DOCK7: variants seen among roughly 807,000 people sequenced by gnomAD.
DOCK7 encodes the protein dedicator of cytokinesis 7.
In DOCK7, 138 loss-of-function variants were observed where a neutral mutation model predicts 271.0. That is an observed-to-expected ratio of 0.51 (90% CI 0.44 to 0.59). The LOEUF (loss-of-function observed/expected upper bound fraction) is 0.59. DOCK7 is among the 20% of genes least tolerant of loss of function. DOCK7 has a pLI of 0.00. For missense variants in DOCK7, 2,066 were observed against 2,592.4 expected, an observed-to-expected ratio of 0.80 and a Z score of 4.41; for synonymous variants, 823 against 876.1, an observed-to-expected ratio of 0.94 and a Z score of 1.07.
intron 1 of DOCK7, 132 bp downstream of exon 1, chr1:62,688,095 C>A (rs1471483407): frequency 1.9e-5 from 22 of 1,129,056 alleles, no homozygotes; most frequent in Non-Finnish European, 2.3e-5. Flanking sequence ...CCCTTCCGCC[C>A]CGCCGCGAGC....
At chr1:62,504,491 T>G in intron 37 of DOCK7, 139 bp downstream of exon 37, 6 of 916,772 alleles carry the variant, frequency 6.5e-6, no homozygotes, top group Non-Finnish European at 9.5e-6. Context: ...ATACACAGAA[T>G]GAGAAATATC....
chr1:62,505,935 G>A, intron 35 of DOCK7, 119 bp from the exon 36 acceptor site: 10 of 958,982 alleles, frequency 1.0e-5, no homozygotes, highest in South Asian at 5.3e-5. Context: ...AGTTTTAAAA[G>A]ATAAAAAAAT....
intron 30 of DOCK7, among the ~76,000 whole-genome samples, chr1:62,528,729 T>G (rs972726523): frequency 1.3e-5 from 2 of 152,222 alleles, no homozygotes; most frequent in African/African-American, 4.8e-5. Context: ...AATTGCTGGT[T>G]TAAATTCCCT....
intron 4 of DOCK7, among the ~76,000 whole-genome samples, chr1:62,650,404 G>C (rs1393260745): frequency 6.6e-6 from 1 of 152,092 alleles, no homozygotes; most frequent in African/African-American, 2.4e-5. Flanking sequence ...ATACTGTGCT[G>C]AATCGTGGAA....
Position 62,561,605 on chromosome 1 carries a change from A to T in DOCK7, c.2199+12T>A. 1 of 1,500,208 alleles carries T rather than the reference A, an allele frequency of 6.7e-7. No homozygotes were observed. The highest frequency in any genetic ancestry group is 2.5e-5 in the Admixed American group (1 of 40,138). 92.9% of individuals were successfully genotyped at this position (1,500,208 alleles called of 1,614,324 possible). On this transcript the variant is annotated intron_variant, in intron 19 of 49. Transcript: ENST00000635253. Reference sequence around the variant, plus strand: ...TAAGTGAAATTTGATAATAAAAATTATTAAAACTCACTTGTGTATGGATAG... The same window carrying T: ...TAAGTGAAATTTGATAATAAAAATTTTTAAAACTCACTTGTGTATGGATAG...
chr1:62,492,950 T>C (rs1480231333), intron 40 of DOCK7, 103 bp from the exon 41 acceptor site: 5 of 947,252 alleles, frequency 5.3e-6, no homozygotes, highest in Non-Finnish European at 7.7e-6. Flanking sequence ...TCAGGTTAGG[T>C]TAAAAAAAGG....
At chr1:62,623,780 T>C (rs1653581094) in intron 12 of DOCK7, among the ~76,000 whole-genome samples, 1 of 152,212 alleles carries the variant, frequency 6.6e-6, no homozygotes, top group South Asian at 2.1e-4. Flanking sequence ...AAAAGACCAA[T>C]ACCATTTGAG....
chr1:62,501,785 T>A (rs927962197), intron 37 of DOCK7, among the ~76,000 whole-genome samples: 13 of 152,132 alleles, frequency 8.5e-5, no homozygotes, highest in Non-Finnish European at 4.4e-5. Flanking sequence ...CTCTTTTTAC[T>A]TGATGCAAGG....
intron 48 of DOCK7, among the ~76,000 whole-genome samples, chr1:62,462,132 T>G (rs1383877714): frequency 6.6e-6 from 1 of 151,318 alleles, no homozygotes; most frequent in Non-Finnish European, 1.5e-5. Context: ...AATTTTAAAA[T>G]GTACAAGACC....
At chr1:62,684,210 C>T (rs1030000074) in intron 1 of DOCK7, among the ~76,000 whole-genome samples, 3 of 130,222 alleles carry the variant, frequency 2.3e-5, no homozygotes, top group Non-Finnish European at 5.0e-5. Context: ...AAAACTCCAT[C>T]TTAAAAAAAA....
At chr1:62,560,966 TAAAC>T (rs1012364421) in intron 19 of DOCK7, among the ~76,000 whole-genome samples, 26 of 152,140 alleles carry the variant, frequency 1.7e-4, no homozygotes, top group African/African-American at 6.0e-4. Context: ...AAAGAAACAA[TAAAC>T]AAATGTGTAT....
intron 27 of DOCK7, among the ~76,000 whole-genome samples, chr1:62,538,630 G>A (rs927057221): frequency 3.3e-5 from 5 of 152,176 alleles, no homozygotes; most frequent in Non-Finnish European, 4.4e-5. Flanking sequence ...GATACATATC[G>A]TGTTGCAAGT....
At chr1:62,627,101 A>G (rs1284751971) in intron 11 of DOCK7, among the ~76,000 whole-genome samples, 1 of 152,208 alleles carries the variant, frequency 6.6e-6, no homozygotes, top group Non-Finnish European at 1.5e-5. Context: ...AAACCACATC[A>G]TTCGATGCAA....
In DOCK7 at chr1:62,543,701, C is replaced by T. The variant is rs370940626; in HGVS notation, c.2904G>A (p.Thr968=). 222 of 1,604,476 alleles carry T rather than the reference C, an allele frequency of 1.4e-4. No individual in the cohort carries two copies. The highest frequency in any genetic ancestry group is 1.7e-4 in the Non-Finnish European group (203 of 1,172,972). ...SCNRMSSHTE[T]SSFLQTLTGR... is the part of the protein sequence containing the mutation. ...CCGTTAATGTTTGTAAGAAACTTGA[C>T]GTCTCTGTGTGCGAAGACATACGAT... is the stretch of plus-strand genomic sequence containing the variant. The change falls in exon 24 of 50, where the codon ACG becomes ACA. Residue 968 remains threonine (T), a synonymous_variant. Coordinates refer to ENST00000635253, the MANE Select transcript of DOCK7 (RefSeq NM_001367561.1).
At chr1:62,555,662 T>C (rs1646116390) in intron 21 of DOCK7, among the ~76,000 whole-genome samples, 163 bp downstream of exon 21, 1 of 152,236 alleles carries the variant, frequency 6.6e-6, no homozygotes, top group Non-Finnish European at 1.5e-5. Context: ...CTTATTTATC[T>C]CTTTAACTTC....
At chr1:62,502,646 T>C (rs72913246) in intron 37 of DOCK7, among the ~76,000 whole-genome samples, 188 of 152,274 alleles carry the variant, frequency 1.2e-3, no homozygotes, top group African/African-American at 4.4e-3. Context: ...GGGTATTACA[T>C]AACTATAAAG....
rs894236979 is a variant in DOCK7 at position 62,633,519 on chromosome 1, G to A, written c.1095C>T (p.Phe365=). The A allele has an allele frequency of 6.2e-7, 1 of 1,612,752 alleles. No individual in the cohort carries two copies. Among genetic ancestry groups the A allele is most frequent in the Non-Finnish European group, 8.5e-7 (1 of 1,179,326 alleles). The change falls in exon 10 of 50, where the codon TTC becomes TTT. Residue 365 remains phenylalanine (F), a synonymous_variant. Transcript: ENST00000635253. The part of the protein sequence containing the change: ...IGECAEPYMI[F]KEADATKNKE... ...CTACCTTGGTGGCATCTGCTTCTTT[G>A]AAAATCATATATGGTTCTGCACACT...
chr1:62,598,025 T>G, intron 14 of DOCK7: 1 of 1,577,862 alleles, frequency 6.3e-7, no homozygotes, highest in South Asian at 1.2e-5. Flanking sequence ...AAAATCAACC[T>G]GAAACTCCAG....
chr1:62,518,565 C>A (rs910944688), intron 31 of DOCK7, among the ~76,000 whole-genome samples: 3 of 146,742 alleles, frequency 2.0e-5, no homozygotes, highest in African/African-American at 7.6e-5. Flanking sequence ...CAGAGTGAGA[C>A]TCCATCTCAA....
Sources: gnomAD v4.1 joint callset for allele counts (sites outside exome capture counted in the v4.1 genomes callset) on GRCh38, gnomAD v4.1.1 for gene constraint, MANE v1.5 for transcripts, NCBI Gene and HGNC (gene_info 2026-07-23, HGNC 2026-07-21) for gene names.